CAST: variants seen among roughly 807,000 people sequenced by gnomAD.
CAST encodes the protein calpastatin.
In CAST, 76 loss-of-function variants were observed where a neutral mutation model predicts 119.6. The ratio of observed to expected loss-of-function variants is 0.64; its 90% CI spans 0.53 to 0.77. The LOEUF is 0.77. Ranked by LOEUF, CAST falls within the 30% of genes least tolerant of loss-of-function variation. The probability of loss-of-function intolerance (pLI) is 0.00; values close to 1 mark genes in which losing one functional copy is unlikely to be tolerated. For synonymous variants in CAST, 319 were observed against 331.6 expected (o/e 0.96, Z 0.41); for missense variants, 953 against 946.5 (o/e 1.01, Z -0.09).
the CAST span, among the ~76,000 whole-genome samples, chr5:96,376,383 A>C: frequency 6.6e-6 from 1 of 152,150 alleles, no homozygotes; most frequent in African/African-American, 2.4e-5. Flanking sequence ...ATAATAAACA[A>C]CTATGTTACT....
intron 1 of CAST, among the ~76,000 whole-genome samples, chr5:96,544,896 A>C (rs906555781): frequency 3.3e-5 from 5 of 152,114 alleles, no homozygotes; most frequent in Non-Finnish European, 7.4e-5. Context: ...AGATAGACTA[A>C]AAGTAAAGTT....
chr5:96,200,064 G>T, the CAST span, among the ~76,000 whole-genome samples: 2 of 152,070 alleles, frequency 1.3e-5, no homozygotes, highest in South Asian at 4.1e-4. Context: ...AGATAAAACA[G>T]CTAGTCTGGG....
At chr5:96,523,488 C>T (rs1745549985), upstream of CAST, among the ~76,000 whole-genome samples, 1 of 152,242 alleles carries the variant, frequency 6.6e-6, no homozygotes, top group Non-Finnish European at 1.5e-5. Context: ...AGTGACCACA[C>T]TAAGCTTGTG....
the CAST span, among the ~76,000 whole-genome samples, chr5:96,216,364 GGTAA>G: frequency 3.3e-5 from 5 of 151,988 alleles, no homozygotes; most frequent in South Asian, 2.1e-4. Flanking sequence ...ACCTCACACG[GGTAA>G]GTAATAAATT....
At chr5:96,628,094 C>T (rs186209358) in intron 1 of CAST, among the ~76,000 whole-genome samples, 2 of 152,200 alleles carry the variant, frequency 1.3e-5, no homozygotes, top group South Asian at 4.1e-4. Context: ...TGTTAAGCAT[C>T]CTTTTAAAGT....
At chr5:96,010,670 T>A in the CAST span, among the ~76,000 whole-genome samples, 87 of 152,368 alleles carry the variant, frequency 5.7e-4, 1 homozygote, top group Middle Eastern at 3.4e-3. Context: ...AGGAATAGCA[T>A]TGAATCTGTA....
chr5:96,014,978 G>A, the CAST span, among the ~76,000 whole-genome samples: 7 of 151,952 alleles, frequency 4.6e-5, no homozygotes, highest in East Asian at 5.8e-4. Flanking sequence ...AACATTTTAC[G>A]GGTATCAGCT....
At chr5:96,190,706 T>G in the CAST span, among the ~76,000 whole-genome samples, 3 of 152,188 alleles carry the variant, frequency 2.0e-5, no homozygotes, top group Non-Finnish European at 2.9e-5. Flanking sequence ...CTTCATAGGT[T>G]TATTATTTTC....
chr5:96,528,715 T>C (rs145943842), upstream of CAST, among the ~76,000 whole-genome samples: 4 of 152,300 alleles, frequency 2.6e-5, no homozygotes, highest in East Asian at 7.7e-4. Context: ...CCAAAAATTA[T>C]AGCATGTAAG....
At chr5:96,697,166 C>CA (rs1354943815) in intron 3 of CAST, among the ~76,000 whole-genome samples, 1 of 149,238 alleles carries the variant, frequency 6.7e-6, no homozygotes, top group Admixed American at 6.7e-5. Context: ...GACCCTGTCT[C>CA]AAAAAAAAGA....
At chr5:96,315,137 A>C in the CAST span, among the ~76,000 whole-genome samples, 1 of 152,214 alleles carries the variant, frequency 6.6e-6, no homozygotes, top group East Asian at 1.9e-4. Flanking sequence ...TCTTGTCTCC[A>C]TTGTTAAACT....
At chr5:96,458,492 G>C in the CAST span, among the ~76,000 whole-genome samples, 11 of 152,030 alleles carry the variant, frequency 7.2e-5, no homozygotes, top group African/African-American at 2.7e-4. Flanking sequence ...TTTTTGCCAA[G>C]GAAAGACACA....
At chr5:95,973,220 T>C in the CAST span, 2 of 182,534 alleles carry the variant, frequency 1.1e-5, no homozygotes, top group Non-Finnish European at 2.4e-5. Flanking sequence ...CTATTAGCTG[T>C]AGTTTCTTCA....
the CAST span, among the ~76,000 whole-genome samples, chr5:95,994,587 C>T: frequency 6.6e-6 from 1 of 151,118 alleles, no homozygotes; most frequent in Non-Finnish European, 1.5e-5. Flanking sequence ...CTCATCAAAC[C>T]GTATATTTAA....
the CAST span, among the ~76,000 whole-genome samples, chr5:96,424,065 T>A: frequency 6.7e-6 from 1 of 149,234 alleles, no homozygotes; most frequent in Admixed American, 6.6e-5. Flanking sequence ...TTTCTGATAG[T>A]CAGAGTGTGG....
chr5:96,258,629 G>T, the CAST span, among the ~76,000 whole-genome samples: 1,072 of 152,216 alleles, frequency 7.0e-3, 17 homozygotes, highest in African/African-American at 0.024. Context: ...CACATTAAAG[G>T]AATTCAGGGA....
the CAST span, among the ~76,000 whole-genome samples, chr5:96,012,317 GT>G: frequency 7.5e-5 from 11 of 146,734 alleles, no homozygotes; most frequent in Non-Finnish European, 9.1e-5. Flanking sequence ...TACTTCTTAA[GT>G]TTTTTTTTTT....
At chr5:96,685,415 C>T (rs1580964031) in intron 2 of CAST, among the ~76,000 whole-genome samples, 1 of 151,992 alleles carries the variant, frequency 6.6e-6, no homozygotes, top group East Asian at 1.9e-4. Context: ...GAAATCATAC[C>T]CATAGCAAGA....
At chr5:96,536,833 A>C (rs986558484) in intron 1 of CAST, among the ~76,000 whole-genome samples, 2 of 91,588 alleles carry the variant, frequency 2.2e-5, no homozygotes, top group African/African-American at 7.3e-5. Context: ...TAACAGTATA[A>C]ATTTTTTTTA....
Sources: gnomAD v4.1 joint callset for allele counts (sites outside exome capture counted in the v4.1 genomes callset) on GRCh38, gnomAD v4.1.1 for gene constraint, MANE v1.5 for transcripts, NCBI Gene and HGNC (gene_info 2026-07-23, HGNC 2026-07-21) for gene names.